Variants in TMEM170B observed in about 807,000 individuals in gnomAD.
TMEM170B encodes the protein transmembrane protein 170B.
In TMEM170B, 6 loss-of-function variants were observed where a neutral mutation model predicts 13.0. The ratio of observed to expected loss-of-function variants is 0.46; its 90% CI spans 0.25 to 0.91. The LOEUF is 0.91. TMEM170B is among the 40% of genes least tolerant of loss of function. TMEM170B has a pLI of 0.17. For missense variants in TMEM170B, 138 were observed against 165.2 expected, an observed-to-expected ratio of 0.84 and a Z score of 0.90; for synonymous variants, 61 against 64.9, an observed-to-expected ratio of 0.94 and a Z score of 0.29.
intron 1 of TMEM170B, among the ~76,000 whole-genome samples, chr6:11,540,120 C>CTT (rs1356560737): frequency 2.0e-5 from 3 of 152,162 alleles, no homozygotes; most frequent in African/African-American, 7.2e-5. Context: ...AGGGTCTTGT[C>CTT]TTTGTGTTGA....
intron 2 of TMEM170B, among the ~76,000 whole-genome samples, chr6:11,571,176 T>C (rs987475450): frequency 3.9e-4 from 1 of 2,568 alleles, no homozygotes. Context: ...ATATGCTTGC[T>C]TTTTTTTTTT....
intron 1 of TMEM170B, among the ~76,000 whole-genome samples, chr6:11,545,436 C>T (rs1465905579): frequency 6.6e-6 from 1 of 151,968 alleles, no homozygotes; most frequent in Admixed American, 6.6e-5. Flanking sequence ...AGTCATGTGC[C>T]ATGTAACTTT....
chr6:11,539,936 A>AT (rs1406400272), intron 1 of TMEM170B, among the ~76,000 whole-genome samples: 2 of 152,146 alleles, frequency 1.3e-5, no homozygotes, highest in East Asian at 3.8e-4. Flanking sequence ...AGCCAAATGA[A>AT]TTTTTTGTTT....
intron 1 of TMEM170B, among the ~76,000 whole-genome samples, chr6:11,543,549 T>C (rs1759390346): frequency 6.6e-6 from 1 of 152,208 alleles, no homozygotes; most frequent in African/African-American, 2.4e-5. Flanking sequence ...AAAGAGTAAC[T>C]TGCTTAGATC....
intron 2 of TMEM170B, among the ~76,000 whole-genome samples, chr6:11,570,091 A>G (rs1252181423): frequency 6.6e-6 from 1 of 152,132 alleles, no homozygotes; most frequent in Non-Finnish European, 1.5e-5. Context: ...TTAACTGAAT[A>G]TAGAGGATAA....
At chr6:11,541,951 C>T (rs1044612399) in intron 1 of TMEM170B, among the ~76,000 whole-genome samples, 1 of 151,896 alleles carries the variant, frequency 6.6e-6, no homozygotes, top group African/African-American at 2.4e-5. Context: ...AGTAAATTAT[C>T]GAGTAAAATA....
At chr6:11,559,028 A>G (rs1759626144) in intron 1 of TMEM170B, among the ~76,000 whole-genome samples, 1 of 152,126 alleles carries the variant, frequency 6.6e-6, no homozygotes, top group African/African-American at 2.4e-5. Flanking sequence ...CATGGGCCAT[A>G]TAATCTCTGT....
Position 11,581,441 on chromosome 6 carries a change from T to G in TMEM170B, c.*5880T>G, listed in dbSNP as rs1226532472. On this transcript the variant is annotated 3_prime_UTR_variant, in exon 3 of 3. Coordinates refer to ENST00000379426, the MANE Select transcript of TMEM170B (RefSeq NM_001100829.3). ...GCAAGTCAGGAGAGCATGAACCTCA[T>G]ACATACATTTTTACGATTATGTACT... 1 of 152,220 alleles carries G rather than the reference T, an allele frequency of 6.6e-6. No individual in the cohort carries two copies. The highest frequency in any genetic ancestry group is 1.5e-5 in the Non-Finnish European group (1 of 68,034). 9.4% of individuals were successfully genotyped at this position (152,220 alleles called of 1,614,324 possible).
At position 11,580,929 on chromosome 6, in the gene TMEM170B, T is replaced by C. The variant is rs912086784; in HGVS notation, c.*5368T>C. 7 of 152,208 alleles carry C rather than the reference T, an allele frequency of 4.6e-5. No homozygotes were observed. Among genetic ancestry groups the C allele is most frequent in the African/African-American group, 7.2e-5 (3 of 41,436 alleles). 9.4% of individuals were successfully genotyped at this position (152,208 alleles called of 1,614,324 possible). On this transcript the variant is annotated 3_prime_UTR_variant, in exon 3 of 3. Transcript: ENST00000379426. ...TATTGCATTTTGTGTGTGTGTGTGG[T>C]GACAGGTTTGCTCTTCTCACTTAAG... is the stretch of plus-strand genomic sequence containing the variant.
chr6:11,537,771 G>C lies in TMEM170B; in HGVS notation c.-507G>C, dbSNP rs1296025513. On this transcript the variant is annotated 5_prime_UTR_variant, in exon 1 of 3. Transcript: ENST00000379426. ...GTTCCTCGAGTGTCGGCGACCCGAG[G>C]GCGGGCAGGCGGGCGGCAGGTGCCG... Among the ~76,000 whole-genome samples the C allele has an allele frequency of 6.6e-6, 1 of 151,480 alleles. No homozygotes were observed. Among genetic ancestry groups the C allele is most frequent in the Non-Finnish European group, 1.5e-5 (1 of 67,672 alleles).
At chr6:11,541,589 A>G (rs556188719) in intron 1 of TMEM170B, among the ~76,000 whole-genome samples, 35 of 152,166 alleles carry the variant, frequency 2.3e-4, no homozygotes, top group Non-Finnish European at 4.4e-4. Context: ...ATCAGAGAGC[A>G]GTCTGTTTTG....
intron 1 of TMEM170B, among the ~76,000 whole-genome samples, chr6:11,538,887 A>C (rs2113758291): frequency 6.6e-6 from 1 of 152,314 alleles, no homozygotes; most frequent in South Asian, 2.1e-4. Context: ...ATAACTGAGT[A>C]AATTATAGTG....
At chr6:11,545,685 A>G (rs923303410) in intron 1 of TMEM170B, among the ~76,000 whole-genome samples, 2 of 151,800 alleles carry the variant, frequency 1.3e-5, no homozygotes, top group Non-Finnish European at 1.5e-5. Flanking sequence ...TGGCTTATGT[A>G]TTTACTGTAC....
chr6:11,559,675 A>C (rs762244033), intron 1 of TMEM170B, among the ~76,000 whole-genome samples: 1 of 152,124 alleles, frequency 6.6e-6, no homozygotes, highest in African/African-American at 2.4e-5. Flanking sequence ...CATGTCCCCA[A>C]ATTCAGAAGT....
intron 1 of TMEM170B, among the ~76,000 whole-genome samples, chr6:11,564,810 C>A (rs1053227186): frequency 2.6e-5 from 4 of 152,150 alleles, no homozygotes; most frequent in Non-Finnish European, 5.9e-5. Flanking sequence ...ACCCAAAGAG[C>A]AAGGACACTC....
chr6:11,558,816 A>G (rs1759622666), intron 1 of TMEM170B, among the ~76,000 whole-genome samples: 1 of 152,212 alleles, frequency 6.6e-6, no homozygotes, highest in African/African-American at 2.4e-5. Flanking sequence ...TGTAATTGAA[A>G]TGTCATTAAT....
intron 1 of TMEM170B, among the ~76,000 whole-genome samples, chr6:11,545,280 C>CTGTGTGTGTGTGTGTGTGTGTGTGTGTG (rs1210551633): frequency 3.3e-4 from 46 of 139,810 alleles, no homozygotes; most frequent in South Asian, 1.2e-3. Context: ...CTCTCTCTCT[C>CTGTGTGTGTGTGTGTGTGTGTGTGTGTG]TGTGTGTGTG....
At chr6:11,540,929 C>T (rs1247437135) in intron 1 of TMEM170B, among the ~76,000 whole-genome samples, 1 of 152,086 alleles carries the variant, frequency 6.6e-6, no homozygotes, top group African/African-American at 2.4e-5. Flanking sequence ...CTTGGTTGAC[C>T]AGGTACATTG....
intron 2 of TMEM170B, among the ~76,000 whole-genome samples, chr6:11,569,180 T>G (rs1759769543): frequency 6.6e-6 from 1 of 152,072 alleles, no homozygotes; most frequent in Non-Finnish European, 1.5e-5. Context: ...TTACAGATAT[T>G]TTTATATATT....
Sources: gnomAD v4.1 joint callset for allele counts (sites outside exome capture counted in the v4.1 genomes callset) on GRCh38, gnomAD v4.1.1 for gene constraint, MANE v1.5 for transcripts, NCBI Gene and HGNC (gene_info 2026-07-23, HGNC 2026-07-21) for gene names.